The following ZNF618 variants were observed in gnomAD, a reference collection of about 807,000 sequenced individuals.
The protein encoded by ZNF618 is zinc finger protein 618.
In ZNF618, 34 loss-of-function variants were observed where a neutral mutation model predicts 103.0. That is an observed-to-expected ratio of 0.33 (90% CI 0.25 to 0.44). The LOEUF is 0.44. Ranked by LOEUF, ZNF618 falls within the 20% of genes least tolerant of loss-of-function variation. ZNF618 has a pLI of 1.00. For missense variants in ZNF618, 1,059 were observed against 1,295.4 expected, an observed-to-expected ratio of 0.82 and a Z score of 2.80; for synonymous variants, 551 against 542.2, an observed-to-expected ratio of 1.02 and a Z score of -0.23.
chr9:113,911,405 T>C (rs369829800), intron 1 of ZNF618, among the ~76,000 whole-genome samples: 10 of 152,172 alleles, frequency 6.6e-5, no homozygotes, highest in East Asian at 3.9e-4. Flanking sequence ...CTCGGCTCAC[T>C]GCAACCTCTG....
chr9:113,951,538 C>CACATATGTGT (rs1564207925), intron 1 of ZNF618, among the ~76,000 whole-genome samples: 2 of 54,324 alleles, frequency 3.7e-5, no homozygotes, highest in African/African-American at 1.3e-4. Context: ...TATGTGTGTA[C>CACATATGTGT]ATATGTACAC....
chr9:113,978,511 G>A (rs1015643404), intron 2 of ZNF618, among the ~76,000 whole-genome samples: 5 of 152,168 alleles, frequency 3.3e-5, no homozygotes, highest in African/African-American at 7.2e-5. Context: ...ATTTCATGTC[G>A]GTGTGACTTT....
intron 1 of ZNF618, among the ~76,000 whole-genome samples, chr9:113,962,856 G>A (rs1269911158): frequency 2.0e-5 from 3 of 152,084 alleles, no homozygotes; most frequent in Non-Finnish European, 2.9e-5. Flanking sequence ...CATGCTATAT[G>A]TTTTACTTAT....
chr9:114,038,029 C>T (rs1844781916), intron 13 of ZNF618, among the ~76,000 whole-genome samples: 1 of 152,200 alleles, frequency 6.6e-6, no homozygotes, highest in Non-Finnish European at 1.5e-5. Flanking sequence ...CCTTTGCTGT[C>T]AGCTGTGCCT....
chr9:114,040,761 T>C (rs1175199527), intron 13 of ZNF618, among the ~76,000 whole-genome samples: 93 of 148,700 alleles, frequency 6.3e-4, no homozygotes, highest in African/African-American at 2.2e-3. Context: ...TCCAAGTCTT[T>C]GCTATTGTGA....
At chr9:113,950,233 A>G (rs80230648) in intron 1 of ZNF618, among the ~76,000 whole-genome samples, 231 of 152,244 alleles carry the variant, frequency 1.5e-3, no homozygotes, top group Non-Finnish European at 2.4e-3. Context: ...AGCTTGCCCA[A>G]TGCCATAAGG....
At chr9:113,879,055 A>C (rs1208395142) in intron 1 of ZNF618, among the ~76,000 whole-genome samples, 1 of 149,640 alleles carries the variant, frequency 6.7e-6, no homozygotes, top group Non-Finnish European at 1.5e-5. Context: ...CTGTTGAATT[A>C]TTTAGGCCGA....
At chr9:113,935,525 C>T (rs746443371) in intron 1 of ZNF618, among the ~76,000 whole-genome samples, 36 of 152,226 alleles carry the variant, frequency 2.4e-4, no homozygotes, top group Non-Finnish European at 4.1e-4. Context: ...GTCCTTGTTG[C>T]GGGTCGTGTC....
chr9:114,017,019 C>G (rs990476534), intron 10 of ZNF618: 11 of 548,580 alleles, frequency 2.0e-5, no homozygotes, highest in Admixed American at 3.4e-5. Context: ...TTAGTGGACT[C>G]AGAGTCCTGT....
At chr9:113,990,228 C>T (rs1398608328) in intron 3 of ZNF618, among the ~76,000 whole-genome samples, 1 of 152,160 alleles carries the variant, frequency 6.6e-6, no homozygotes, top group Non-Finnish European at 1.5e-5. Flanking sequence ...GCTGTTTCTA[C>T]CCTGCTCCTC....
Position 113,997,800 on chromosome 9 carries a change from G to A in ZNF618, c.338-459G>A, listed in dbSNP as rs562117760. ...GGCTGGGATGAACAGAAGAGGGAGC[G>A]TGCTGGGCAGGGAGCCAGGCGTCGG... On this transcript the variant is annotated intron_variant, in intron 3 of 14. Transcript: ENST00000374126. Among the ~76,000 whole-genome samples the A allele has an allele frequency of 1.8e-4, 28 of 152,324 alleles. No individual in the cohort carries two copies. In the South Asian group the frequency reaches 5.4e-3, roughly 29 times the overall value.
chr9:114,020,966 A>T (rs1353918280), intron 10 of ZNF618, among the ~76,000 whole-genome samples: 1 of 145,526 alleles, frequency 6.9e-6, no homozygotes, highest in Admixed American at 6.9e-5. Flanking sequence ...GTTACCTCTT[A>T]TTTATAGTTT....
chr9:114,030,423 C>A (rs1020125428), intron 11 of ZNF618, among the ~76,000 whole-genome samples: 3 of 152,198 alleles, frequency 2.0e-5, no homozygotes, highest in African/African-American at 7.2e-5. Flanking sequence ...GCTTTCAAAT[C>A]TTGCTTTCTC....
intron 2 of ZNF618, among the ~76,000 whole-genome samples, chr9:113,970,432 C>T (rs558141772): frequency 1.1e-4 from 16 of 152,224 alleles, no homozygotes; most frequent in African/African-American, 3.9e-4. Context: ...CTCTGTAACC[C>T]AGAGACCTGT....
At chr9:113,906,314 CT>C (rs1830985620) in intron 1 of ZNF618, among the ~76,000 whole-genome samples, 1 of 152,146 alleles carries the variant, frequency 6.6e-6, no homozygotes, top group South Asian at 2.1e-4. Flanking sequence ...CCATAAAGTG[CT>C]GGGAAGATGC....
intron 12 of ZNF618, among the ~76,000 whole-genome samples, chr9:114,033,642 T>C (rs1588416225): frequency 6.6e-6 from 1 of 152,010 alleles, no homozygotes; most frequent in Non-Finnish European, 1.5e-5. Context: ...GGGGTCAGCC[T>C]GGGGGGTGCC....
rs188513680 is a variant in ZNF618 at position 114,023,919 on chromosome 9, G to A, written c.845-4814G>A. The stretch of plus-strand genomic sequence containing the variant: ...AGTTTTTAGCAATTTCATTATTTGT[G>A]TTTATCCTGTTTGAGATTCATTGAG... On this transcript the variant is annotated intron_variant, in intron 10 of 14. Coordinates refer to ENST00000374126, the MANE Select transcript of ZNF618 (RefSeq NM_001318042.2). Among the ~76,000 whole-genome samples, 13 of 152,144 alleles carry A rather than the reference G, an allele frequency of 8.5e-5. No homozygotes were observed. The East Asian group carries it at 2.5e-3, about 29-fold the overall frequency.
chr9:113,945,432 C>T (rs1011140060), intron 1 of ZNF618, among the ~76,000 whole-genome samples: 1 of 152,234 alleles, frequency 6.6e-6, no homozygotes, highest in Non-Finnish European at 1.5e-5. Context: ...CTTGACATTT[C>T]TCTACTGCAT....
chr9:113,994,925 G>A (rs1840419659), intron 3 of ZNF618, among the ~76,000 whole-genome samples: 1 of 147,490 alleles, frequency 6.8e-6, no homozygotes. Flanking sequence ...CCAGGATATT[G>A]TGTAAAAAAA....
Sources: allele counts gnomAD v4.1 joint callset (sites outside exome capture counted in the v4.1 genomes callset), GRCh38; gene constraint gnomAD v4.1.1; transcripts MANE v1.5; gene names NCBI Gene and HGNC (gene_info 2026-07-23, HGNC 2026-07-21).